The following DYNLRB1 variants were observed in gnomAD, a reference collection of about 807,000 sequenced individuals.
DYNLRB1 encodes dynein light chain roadblock-type 1.
A neutral mutation model predicts 13.5 loss-of-function variants in DYNLRB1; 6 were observed. The ratio of observed to expected loss-of-function variants is 0.44; its 90% CI spans 0.24 to 0.88. DYNLRB1 has a LOEUF of 0.88. Ranked by LOEUF, DYNLRB1 falls within the 40% of genes least tolerant of loss-of-function variation. The pLI, the probability that DYNLRB1 is intolerant of heterozygous loss-of-function variation, is 0.21. For missense variants in DYNLRB1, 93 were observed against 127.2 expected (o/e 0.73, Z 1.29); for synonymous variants, 43 against 45.0 (o/e 0.96, Z 0.18).
Position 34,534,679 on chromosome 20 carries a change from G to C in DYNLRB1, c.131G>C (p.Ser44Thr). 1 of 1,600,022 alleles carries C rather than the reference G, an allele frequency of 6.2e-7. No homozygotes were observed. Among genetic ancestry groups the C allele is most frequent in the Non-Finnish European group, 8.5e-7 (1 of 1,172,334 alleles). The change falls in exon 3 of 4, where the codon AGC (serine) becomes ACC (threonine). Residue 44 changes from serine (S) to threonine (T), a missense_variant. Coordinates refer to ENST00000357156, the MANE Select transcript of DYNLRB1 (RefSeq NM_014183.4). ...AACCCCACCACCACCCAGTATGCCA[G>C]CCTCATGCACAGCTTCATCCTGAAG... ...MDNPTTTQYA[S>T]LMHSFILKAR...
chr20:34,516,340 C>G, upstream of DYNLRB1: 4 of 1,451,462 alleles, frequency 2.8e-6, no homozygotes, highest in Admixed American at 9.4e-5. Context: ...GCCCCCGCCT[C>G]ACGCTGGCTC....
intron 1 of DYNLRB1, chr20:34,516,681 C>T: frequency 6.7e-7 from 1 of 1,488,822 alleles, no homozygotes; most frequent in Non-Finnish European, 9.0e-7. Flanking sequence ...TGCCCCTTGA[C>T]CGGAAGCGGG....
chr20:34,525,516 C>T (rs963594899), intron 1 of DYNLRB1, among the ~76,000 whole-genome samples: 1 of 152,182 alleles, frequency 6.6e-6, no homozygotes, highest in South Asian at 2.1e-4. Context: ...GAGATGATGT[C>T]TTAGATGGTC....
At chr20:34,521,893 C>G (rs1194316527) in intron 1 of DYNLRB1, among the ~76,000 whole-genome samples, 2 of 152,066 alleles carry the variant, frequency 1.3e-5, no homozygotes, top group Admixed American at 6.6e-5. Flanking sequence ...AAAAAATTAG[C>G]TGGGTTTGGC....
chr20:34,530,275 C>T (rs374913984), intron 2 of DYNLRB1: 21 of 1,022,626 alleles, frequency 2.1e-5, no homozygotes, highest in African/African-American at 1.7e-4. Flanking sequence ...GCTGATTGCA[C>T]CATAGCTGAG....
chr20:34,527,177 C>T (rs1230978023), intron 2 of DYNLRB1, among the ~76,000 whole-genome samples: 2 of 152,164 alleles, frequency 1.3e-5, no homozygotes, highest in African/African-American at 4.8e-5. Flanking sequence ...AATCCAAGCC[C>T]GTCTGAGTGC....
chr20:34,533,353 G>A (rs1980860664), intron 2 of DYNLRB1, among the ~76,000 whole-genome samples: 1 of 152,194 alleles, frequency 6.6e-6, no homozygotes, highest in Non-Finnish European at 1.5e-5. Flanking sequence ...TGTTTACAAA[G>A]GGTCAACATG....
chr20:34,519,080 A>G (rs1437494486), intron 1 of DYNLRB1, among the ~76,000 whole-genome samples: 1 of 151,658 alleles, frequency 6.6e-6, no homozygotes, highest in East Asian at 1.9e-4. Context: ...TTTGGTAGAG[A>G]CAGGGTTTTT....
In DYNLRB1 at chr20:34,516,566, G is replaced by T. The variant is rs555123931; in HGVS notation, c.3+105G>T. 16 of 1,563,362 alleles carry T rather than the reference G, an allele frequency of 1.0e-5. No individual in the cohort carries two copies. The South Asian group carries it at 1.7e-4, about 17-fold the overall frequency. ...ATCTCAGAGCTCCGGACAGGGAATC[G>T]GTGGTGGCTGGGCGTGGCCGGGCCC... On this transcript the variant is annotated intron_variant, in intron 1 of 3. Transcript: ENST00000357156.
chr20:34,540,453 T>C, intron 3 of DYNLRB1, 128 bp from the exon 4 acceptor site: 1 of 860,158 alleles, frequency 1.2e-6, no homozygotes, highest in South Asian at 1.7e-5. Context: ...ATGCTGAACG[T>C]TGATGCTTTT....
chr20:34,516,475 G>A lies in DYNLRB1; in HGVS notation c.3+14G>A. ...CGGTCGGAAATGGTGAGCGTGCGCC[G>A]GGGTCTTGTGGCTGGCGGCCGCCCA... is the stretch of plus-strand genomic sequence containing the variant. On this transcript the variant is annotated intron_variant, in intron 1 of 3. Coordinates refer to ENST00000357156, the MANE Select transcript of DYNLRB1 (RefSeq NM_014183.4). The A allele has an allele frequency of 6.2e-7, 1 of 1,612,578 alleles. No individual in the cohort carries two copies. The highest frequency in any genetic ancestry group is 8.5e-7 in the Non-Finnish European group (1 of 1,179,124).
chr20:34,521,146 G>A (rs1979676838), intron 1 of DYNLRB1, among the ~76,000 whole-genome samples: 1 of 151,982 alleles, frequency 6.6e-6, no homozygotes, highest in Admixed American at 6.6e-5. Flanking sequence ...CTGAGTAGCT[G>A]GGATTACAGG....
At chr20:34,526,480 G>GTTTT in intron 2 of DYNLRB1, 137 bp downstream of exon 2, 2 of 386,132 alleles carry the variant, frequency 5.2e-6, no homozygotes, top group Non-Finnish European at 8.8e-6. Context: ...AACACCTCCA[G>GTTTT]TGTTCTTTTT....
chr20:34,517,006 T>A, intron 1 of DYNLRB1: 1 of 1,235,496 alleles, frequency 8.1e-7, no homozygotes, highest in Non-Finnish European at 1.0e-6. Flanking sequence ...CGCCACTCTG[T>A]CGGCGTGGTT....
At chr20:34,529,945 T>TC (rs1980579420) in intron 2 of DYNLRB1, 4 of 1,437,374 alleles carry the variant, frequency 2.8e-6, no homozygotes, top group Non-Finnish European at 3.7e-6. Flanking sequence ...GCAACTCCTT[T>TC]CCCCGCTTCA....
At chr20:34,532,570 C>T (rs1012492833) in intron 2 of DYNLRB1, among the ~76,000 whole-genome samples, 8 of 152,186 alleles carry the variant, frequency 5.3e-5, no homozygotes, top group African/African-American at 9.7e-5. Context: ...GCCGCCCCAT[C>T]GTGGTTAGAT....
intron 3 of DYNLRB1, 94 bp downstream of exon 3, chr20:34,534,889 G>C: frequency 1.3e-6 from 2 of 1,593,480 alleles, no homozygotes; most frequent in East Asian, 4.5e-5. Flanking sequence ...GTCTCCAGAG[G>C]ATCCAAGCAG....
chr20:34,520,353 A>G (rs987897560), intron 1 of DYNLRB1, among the ~76,000 whole-genome samples: 3 of 152,184 alleles, frequency 2.0e-5, no homozygotes, highest in African/African-American at 7.2e-5. Context: ...CTTTGTGATT[A>G]ACTACTTAGT....
chr20:34,528,617 G>A (rs1461125150), intron 2 of DYNLRB1, among the ~76,000 whole-genome samples: 3 of 152,082 alleles, frequency 2.0e-5, no homozygotes, highest in Non-Finnish European at 4.4e-5. Flanking sequence ...TAATCCCAAA[G>A]GAAAAAACCT....
Sources: allele counts gnomAD v4.1 joint callset (sites outside exome capture counted in the v4.1 genomes callset), GRCh38; gene constraint gnomAD v4.1.1; transcripts MANE v1.5; gene names NCBI Gene and HGNC (gene_info 2026-07-23, HGNC 2026-07-21).